The following TRIML2 variants were observed in gnomAD, a reference collection of about 807,000 sequenced individuals.
TRIML2 encodes probable E3 ubiquitin-protein ligase TRIML2.
A neutral mutation model predicts 31.2 loss-of-function variants in TRIML2; 28 were observed. That is an observed-to-expected ratio of 0.90 (90% CI 0.66 to 1.23). The LOEUF (loss-of-function observed/expected upper bound fraction) is 1.23. Ranked by LOEUF, TRIML2 falls within the 50% of genes most tolerant of loss-of-function variation. The pLI, the probability that TRIML2 is intolerant of heterozygous loss-of-function variation, is 0.00. For missense variants in TRIML2, 536 were observed against 528.3 expected, an observed-to-expected ratio of 1.01 and a Z score of -0.14; for synonymous variants, 187 against 197.5, an observed-to-expected ratio of 0.95 and a Z score of 0.45.
chr4:188,102,163 A>G (rs1447434068), intron 3 of TRIML2, among the ~76,000 whole-genome samples: 2 of 151,660 alleles, frequency 1.3e-5, no homozygotes, highest in East Asian at 1.9e-4. Context: ...ATGTTCATCA[A>G]TAAGGAAAAA....
At chr4:188,107,560 C>A (rs546133916) in intron 1 of TRIML2, among the ~76,000 whole-genome samples, 2 of 152,256 alleles carry the variant, frequency 1.3e-5, no homozygotes, top group South Asian at 4.1e-4. Context: ...AAAAGTTGTA[C>A]AATTTTGCAC....
At chr4:188,103,644 T>C (rs1284564412) in intron 3 of TRIML2, among the ~76,000 whole-genome samples, 2 of 152,102 alleles carry the variant, frequency 1.3e-5, no homozygotes, top group African/African-American at 4.8e-5. Flanking sequence ...GCTCACTCCA[T>C]TGCTTCCTTT....
intron 7 of TRIML2, among the ~76,000 whole-genome samples, chr4:188,092,573 T>C (rs1733315621): frequency 6.6e-6 from 1 of 152,166 alleles, no homozygotes; most frequent in African/African-American, 2.4e-5. Flanking sequence ...AACCCTGGTC[T>C]TCTAGATCTC....
intron 3 of TRIML2, among the ~76,000 whole-genome samples, chr4:188,102,270 A>G (rs577443154): frequency 1.3e-5 from 2 of 152,048 alleles, no homozygotes; most frequent in African/African-American, 4.8e-5. Context: ...AGTTGTGGGG[A>G]AAAAAGGAGT....
At chr4:188,096,639 C>T (rs547967279) in intron 7 of TRIML2, among the ~76,000 whole-genome samples, 27 of 146,372 alleles carry the variant, frequency 1.8e-4, no homozygotes, top group African/African-American at 5.5e-4. Flanking sequence ...ACATATTAAG[C>T]TCTCCAGTCT....
intron 7 of TRIML2, among the ~76,000 whole-genome samples, chr4:188,095,454 T>C (rs1409445298): frequency 6.6e-6 from 1 of 152,112 alleles, no homozygotes; most frequent in South Asian, 2.1e-4. Flanking sequence ...AGAAAAGGGG[T>C]TTGTACATGT....
chr4:188,095,540 C>A (rs1336959315), intron 7 of TRIML2, among the ~76,000 whole-genome samples: 1 of 152,144 alleles, frequency 6.6e-6, no homozygotes, highest in African/African-American at 2.4e-5. Context: ...TCTGGAAATG[C>A]AAATTAAAAT....
chr4:188,105,999 G>A (rs1734016007), intron 1 of TRIML2: 1 of 151,824 alleles, frequency 6.6e-6, no homozygotes, highest in Admixed American at 6.6e-5. Flanking sequence ...CTACAGCTGG[G>A]ACAAAACACA....
Position 188,091,358 on chromosome 4 carries a change from T to A in TRIML2, c.*15A>T, listed in dbSNP as rs1336187456. 2 of 1,600,982 alleles carry A rather than the reference T, an allele frequency of 1.2e-6. No homozygotes were observed. Among genetic ancestry groups the A allele is most frequent in the African/African-American group, 2.7e-5 (2 of 74,432 alleles). On this transcript the variant is annotated 3_prime_UTR_variant, in exon 8 of 8. Transcript: ENST00000682553. Reference sequence around the variant, plus strand: ...TTTCTGGTGTCTCGTGGTCTTGGATTTTACACACAGAAGATTAAGGGCTAA... The same window carrying A: ...TTTCTGGTGTCTCGTGGTCTTGGATATTACACACAGAAGATTAAGGGCTAA...
intron 1 of TRIML2, among the ~76,000 whole-genome samples, chr4:188,108,063 G>A (rs1734114177): frequency 6.6e-6 from 1 of 152,058 alleles, no homozygotes; most frequent in Non-Finnish European, 1.5e-5. Context: ...CTTCTTCCTA[G>A]AATGTTTTCT....
In TRIML2 at chr4:188,104,872, A is replaced by G. The variant is rs1733956537; in HGVS notation, c.250T>C (p.Leu84=). 1.9e-6 allele frequency: 3 copies of G among 1,614,072 alleles called. No homozygotes were observed. The highest frequency in any genetic ancestry group is 2.2e-5 in the East Asian group (1 of 44,868). The change falls in exon 3 of 8, where the codon TTG becomes CTG. Residue 84 remains leucine (L), a synonymous_variant. Transcript: ENST00000682553. ...REKLEAAKSI[L]TDEQERMAMI... ...GCCATTCTTTCTTGCTCATCAGTCAATATGCTTTTAGCTGCTTCAAGTTTC... is the reference window on the plus strand; with the variant it reads ...GCCATTCTTTCTTGCTCATCAGTCAGTATGCTTTTAGCTGCTTCAAGTTTC...
intron 3 of TRIML2, among the ~76,000 whole-genome samples, chr4:188,102,329 G>T (rs547618917): frequency 3.3e-5 from 5 of 152,068 alleles, no homozygotes; most frequent in Admixed American, 3.3e-4. Flanking sequence ...TGGAAGAATG[G>T]AATTACCAAA....
At chr4:188,101,018 A>G in intron 4 of TRIML2, 38 bp downstream of exon 4, 2 of 1,539,324 alleles carry the variant, frequency 1.3e-6, no homozygotes, top group Non-Finnish European at 1.8e-6. Context: ...TCTTTTTCTC[A>G]TTTCTCAAAT....
chr4:188,103,060 T>A (rs1397292899), intron 3 of TRIML2, among the ~76,000 whole-genome samples: 3 of 139,690 alleles, frequency 2.1e-5, no homozygotes, highest in African/African-American at 8.0e-5. Context: ...TCGCCCAGGC[T>A]GGAGTGCAGT....
chr4:188,094,097 C>A (rs7672667), intron 7 of TRIML2, among the ~76,000 whole-genome samples: 97,142 of 142,728 alleles, frequency 0.68, 32,605 homozygotes, highest in South Asian at 0.8. Context: ...TCTCAAAAAA[C>A]AAAAACAAAA....
At chr4:188,093,105 C>T in intron 7 of TRIML2, 1 of 319,294 alleles carries the variant, frequency 3.1e-6, no homozygotes, top group Non-Finnish European at 6.2e-6. Flanking sequence ...TCTGCAGTCT[C>T]TACTTCTCAG....
Position 188,091,739 on chromosome 4 carries a change from C to A in TRIML2, c.948G>T (p.Trp316Cys). 6.2e-7 allele frequency: 1 copy of A among 1,614,106 alleles called. No individual in the cohort carries two copies. Among genetic ancestry groups the A allele is most frequent in the South Asian group, 1.1e-5 (1 of 91,076 alleles). ...WEVDVEKATR[W>C]QVGIYHGSAD... ...CAGAGCCGTGGTATATGCCCACTTG[C>A]CACCTGGTTGCCTTTTCCACGTCCA... The change falls in exon 8 of 8, where the codon TGG (tryptophan) becomes TGT (cysteine). Residue 316 changes from tryptophan (W) to cysteine (C), a missense_variant. Trp to Cys is a radical substitution (Grantham distance 215, BLOSUM62 -2). Coordinates refer to ENST00000682553, the MANE Select transcript of TRIML2 (RefSeq NM_173553.4).
At chr4:188,103,293 A>C (rs959888217) in intron 3 of TRIML2, among the ~76,000 whole-genome samples, 36 of 152,032 alleles carry the variant, frequency 2.4e-4, no homozygotes, top group African/African-American at 7.5e-4. Context: ...AGCCACCACG[A>C]CCAGCCTGCT....
chr4:188,100,707 C>A (rs553360833), intron 4 of TRIML2, among the ~76,000 whole-genome samples: 1 of 151,982 alleles, frequency 6.6e-6, no homozygotes, highest in Non-Finnish European at 1.5e-5. Context: ...GGAGACAGAG[C>A]CAGACTCTGT....
Sources: gnomAD v4.1 joint callset for allele counts (sites outside exome capture counted in the v4.1 genomes callset) on GRCh38, gnomAD v4.1.1 for gene constraint, MANE v1.5 for transcripts, NCBI Gene and HGNC (gene_info 2026-07-23, HGNC 2026-07-21) for gene names.